Variants in BLACAT1 observed in about 807,000 individuals in gnomAD.
The protein encoded by BLACAT1 is bladder cancer associated transcript 1.
chr1:205,441,259 CCTGAT>C lies in BLACAT1; in HGVS notation c.-36-202_-36-198del, dbSNP rs1558743706. 6.6e-6 allele frequency among the ~76,000 whole-genome samples: 1 copy of C among 152,126 alleles called. No individual in the cohort carries two copies. Among genetic ancestry groups the C allele is most frequent in the African/African-American group, 2.4e-5 (1 of 41,432 alleles). ...ACAGCTCTTTGAAACCTCAGTGTTT[CCTGAT>C]CTGTGTGGAGCTGATGTCATTCCTC... On this transcript the variant is annotated intron_variant, in intron 1 of 1. Transcript: ENST00000629624. This position sits in a 1 kb window ranked among gnomAD's most constrained non-coding sequence, Gnocchi z 4.3.
At chr1:205,445,612 G>C (rs985268823) in intron 1 of BLACAT1, among the ~76,000 whole-genome samples, 3 of 152,218 alleles carry the variant, frequency 2.0e-5, no homozygotes, top group African/African-American at 7.2e-5. Context: ...AGACTGCAAG[G>C]GCAGCCAAGC....
At chr1:205,439,600 C>T (rs1666260129), downstream of BLACAT1, among the ~76,000 whole-genome samples, 2 of 152,244 alleles carry the variant, frequency 1.3e-5, 1 homozygote, top group South Asian at 4.1e-4. Flanking sequence ...AGCCCTGACT[C>T]TCCTATCTTG....
rs562380858 is a variant in BLACAT1 at position 205,441,297 on chromosome 1, A to G, written c.-36-235T>C. On this transcript the variant is annotated intron_variant, in intron 1 of 1. Transcript: ENST00000629624. This position sits in a 1 kb window ranked among gnomAD's most constrained non-coding sequence, Gnocchi z 4.3. ...GAGCTGATGTCATTCCTCACATTGG[A>G]GACAGGGTGAGTCCAAGGGAGGAAA... Among the ~76,000 whole-genome samples, 1 of 152,236 alleles carries G rather than the reference A, an allele frequency of 6.6e-6. No homozygotes were observed. The highest frequency in any genetic ancestry group is 2.1e-4 in the South Asian group (1 of 4,810).
chr1:205,440,483 G>C (rs1457244967), exon 2 of BLACAT1: 1 of 152,292 alleles, frequency 6.6e-6, no homozygotes, highest in Non-Finnish European at 1.5e-5. Context: ...TCCAGGGTCA[G>C]GGCTGCTGGA....
downstream of BLACAT1, chr1:205,437,562 C>T (rs1316444549): frequency 1.3e-5 from 2 of 152,294 alleles, no homozygotes; most frequent in East Asian, 1.9e-4. Flanking sequence ...TCTCACTTCT[C>T]AGAGCCACCA....
chr1:205,446,892 T>C (rs1432398526), intron 1 of BLACAT1, among the ~76,000 whole-genome samples: 2 of 152,218 alleles, frequency 1.3e-5, no homozygotes, highest in Admixed American at 6.5e-5. Context: ...CCCAGCTGGC[T>C]TGGGATTTCT....
rs759292914 is a variant in BLACAT1, at chr1:205,448,422, CAT to C, written c.-36-7362_-36-7361del. ...TGGAGGGGTCCAGCGGCAGGAATCT[CAT>C]AGGGAAGCGAGAAGCTGGGGCACCC... On this transcript the variant is annotated intron_variant, in intron 1 of 1. Coordinates refer to ENST00000629624, the Ensembl canonical transcript of BLACAT1. This position sits in a 1 kb window ranked among gnomAD's most constrained non-coding sequence, Gnocchi z 4.7. 18 of 533,316 alleles carry C rather than the reference CAT, an allele frequency of 3.4e-5. No individual in the cohort carries two copies. Among genetic ancestry groups the C allele is most frequent in the Non-Finnish European group, 6.2e-5 (16 of 259,832 alleles). 33.0% of individuals were successfully genotyped at this position (533,316 alleles called of 1,614,324 possible).
chr1:205,450,112 G>C lies in BLACAT1; in HGVS notation c.-37+5805C>G, dbSNP rs898176541. 6.6e-6 allele frequency among the ~76,000 whole-genome samples: 1 copy of C among 152,074 alleles called. No homozygotes were observed. Among genetic ancestry groups the C allele is most frequent in the African/African-American group, 2.4e-5 (1 of 41,416 alleles). On this transcript the variant is annotated intron_variant, in intron 1 of 1. Transcript: ENST00000629624. This position sits in a 1 kb window ranked among gnomAD's most constrained non-coding sequence, Gnocchi z 4.4. Reference sequence around the variant, plus strand: ...CCAGCCCTGAGGACGGTGGGGGTGGGGGTGGGGGCGGGCTGGGCAGGCGGG... The same window carrying C: ...CCAGCCCTGAGGACGGTGGGGGTGGCGGTGGGGGCGGGCTGGGCAGGCGGG...
intron 1 of BLACAT1, among the ~76,000 whole-genome samples, chr1:205,451,179 C>T (rs780863112): frequency 6.6e-6 from 1 of 152,200 alleles, no homozygotes; most frequent in Non-Finnish European, 1.5e-5. Flanking sequence ...CCTCCCTTTC[C>T]TCCTTGGCCA....
rs1666290382 is a variant in BLACAT1 at position 205,441,283 on chromosome 1, A to C, written c.-36-221T>G. 1.3e-5 allele frequency among the ~76,000 whole-genome samples: 2 copies of C among 152,106 alleles called. No homozygotes were observed. The highest frequency in any genetic ancestry group is 6.5e-5 in the Admixed American group (1 of 15,278). On this transcript the variant is annotated intron_variant, in intron 1 of 1. Coordinates refer to ENST00000629624, the Ensembl canonical transcript of BLACAT1. The surrounding 1 kb of genome is among the most constrained non-coding windows in gnomAD (Gnocchi z 4.3). Reference sequence around the variant, plus strand: ...TCCTGATCTGTGTGGAGCTGATGTCATTCCTCACATTGGAGACAGGGTGAG... The same window carrying C: ...TCCTGATCTGTGTGGAGCTGATGTCCTTCCTCACATTGGAGACAGGGTGAG...
downstream of BLACAT1, among the ~76,000 whole-genome samples, chr1:205,438,447 C>T (rs1310830525): frequency 6.6e-6 from 1 of 152,242 alleles, no homozygotes; most frequent in African/African-American, 2.4e-5. Context: ...GGCGCAGGGT[C>T]TGCGAATGCT....
intron 1 of BLACAT1, among the ~76,000 whole-genome samples, chr1:205,451,824 T>C (rs1666501033): frequency 2.0e-5 from 3 of 152,054 alleles, no homozygotes; most frequent in Admixed American, 2.0e-4. Flanking sequence ...CAAATATTTA[T>C]TATTATTATT....
downstream of BLACAT1, among the ~76,000 whole-genome samples, chr1:205,438,328 A>G (rs1196898747): frequency 6.6e-6 from 1 of 152,144 alleles, no homozygotes; most frequent in Non-Finnish European, 1.5e-5. Context: ...CAGGGCCCCC[A>G]CCTCAAGGTG....
At chr1:205,452,125 T>C (rs1461511871) in intron 1 of BLACAT1, among the ~76,000 whole-genome samples, 1 of 152,148 alleles carries the variant, frequency 6.6e-6, no homozygotes, top group African/African-American at 2.4e-5. Context: ...TCCCCTCCTC[T>C]GTAGTAACAA....
intron 1 of BLACAT1, among the ~76,000 whole-genome samples, chr1:205,449,028 C>G (rs1392402029): frequency 1.3e-5 from 2 of 152,258 alleles, no homozygotes; most frequent in East Asian, 3.9e-4. Context: ...AGAGTGAGAT[C>G]TCTGTCTCCA....
chr1:205,451,593 G>A (rs766539636), intron 1 of BLACAT1, among the ~76,000 whole-genome samples: 2 of 152,142 alleles, frequency 1.3e-5, no homozygotes, highest in South Asian at 2.1e-4. Context: ...AATAAAAGGA[G>A]GTGGGAGACA....
intron 1 of BLACAT1, among the ~76,000 whole-genome samples, chr1:205,446,286 G>C (rs11579265): frequency 0.098 from 14,892 of 152,278 alleles, 952 homozygotes; most frequent in Non-Finnish European, 0.13. Context: ...AAGCAATCCA[G>C]GCCCAGCCCC....
chr1:205,444,426 G>T (rs1000095534), intron 1 of BLACAT1, among the ~76,000 whole-genome samples: 1 of 152,014 alleles, frequency 6.6e-6, no homozygotes, highest in Non-Finnish European at 1.5e-5. Context: ...AATCCATAGA[G>T]CATCCGTCCT....
At chr1:205,446,441 CAAAGTCCCT>C (rs1235774828) in intron 1 of BLACAT1, among the ~76,000 whole-genome samples, 1 of 152,238 alleles carries the variant, frequency 6.6e-6, no homozygotes. Context: ...GCCATCCCTA[CAAAGTCCCT>C]TGCCTTGCTA....
Sources: gnomAD v4.1 joint callset for allele counts (sites outside exome capture counted in the v4.1 genomes callset) on GRCh38, gnomAD v4.1.1 for gene constraint, Gnocchi (gnomAD v3.1) non-coding constraint, MANE v1.5 for transcripts, NCBI Gene and HGNC (gene_info 2026-07-23, HGNC 2026-07-21) for gene names.